The following TENM4 variants were observed in gnomAD, a reference collection of about 807,000 sequenced individuals.
TENM4 encodes teneurin transmembrane protein 4.
TENM4 carries 82 observed loss-of-function variants against 243.3 expected under a neutral mutation model. That is an observed-to-expected ratio of 0.34 (90% CI 0.28 to 0.40). The LOEUF is 0.40. Among genes scored for constraint, TENM4 ranks in the 10% least tolerant of loss-of-function variants. TENM4 has a pLI of 1.00. For synonymous variants in TENM4, 1,412 were observed against 1,456.3 expected (o/e 0.97, Z 0.69); for missense variants, 3,138 against 3,673.3 (o/e 0.85, Z 3.77).
intron 1 of TENM4, among the ~76,000 whole-genome samples, chr11:79,408,955 C>A (rs1037319459): frequency 6.6e-6 from 1 of 151,774 alleles, no homozygotes; most frequent in African/African-American, 2.4e-5. Flanking sequence ...AATTGCATGG[C>A]CTTTTTAAGG....
At chr11:79,191,114 CTCTCCCTCTCCCTCTCCCG>C (rs2135163152) in intron 3 of TENM4, among the ~76,000 whole-genome samples, 1 of 35,344 alleles carries the variant, frequency 2.8e-5, no homozygotes, top group Non-Finnish European at 5.4e-5. Context: ...TCCCGTCTCC[CTCTCCCTCTCCCTCTCCCG>C]TCTCCCTCTC....
intron 9 of TENM4, among the ~76,000 whole-genome samples, chr11:78,874,257 A>C (rs1054138848): frequency 1.3e-5 from 2 of 152,202 alleles, no homozygotes; most frequent in Non-Finnish European, 2.9e-5. Flanking sequence ...GTGGAAATGG[A>C]AATAATAGAA....
intron 26 of TENM4, among the ~76,000 whole-genome samples, chr11:78,710,604 C>T (rs572519939): frequency 1.3e-5 from 2 of 152,388 alleles, no homozygotes; most frequent in African/African-American, 4.8e-5. Flanking sequence ...TCTGTTTGGA[C>T]TGATGAGTGC....
intron 2 of TENM4, among the ~76,000 whole-genome samples, chr11:79,266,073 G>A (rs1335438367): frequency 1.3e-5 from 2 of 152,146 alleles, no homozygotes; most frequent in African/African-American, 2.4e-5. Flanking sequence ...AGCTCTTACT[G>A]CTGTTGTAAC....
In TENM4 at chr11:78,656,989, A is replaced by C; in HGVS notation, c.*1069T>G. 2.5e-6 allele frequency: 1 copy of C among 398,624 alleles called. No homozygotes were observed. 24.7% of individuals were successfully genotyped at this position (398,624 alleles called of 1,614,324 possible). On this transcript the variant is annotated 3_prime_UTR_variant, in exon 34 of 34. Transcript: ENST00000278550. ...ACCTCCCTCCACATTCCTACGTCTCAGTGGTGGCGGCTGAGTGGTGGAGGG... is the reference window on the plus strand; with the variant it reads ...ACCTCCCTCCACATTCCTACGTCTCCGTGGTGGCGGCTGAGTGGTGGAGGG...
At chr11:79,336,360 C>T (rs1262091082) in intron 1 of TENM4, among the ~76,000 whole-genome samples, 7 of 152,184 alleles carry the variant, frequency 4.6e-5, no homozygotes, top group Admixed American at 4.6e-4. Flanking sequence ...CAAGAGCCAT[C>T]TCGCATACTT....
At chr11:78,794,744 A>T (rs535744302) in intron 15 of TENM4, among the ~76,000 whole-genome samples, 1 of 152,328 alleles carries the variant, frequency 6.6e-6, no homozygotes, top group African/African-American at 2.4e-5. Flanking sequence ...CCAGGAGAGA[A>T]CTGGCACTGG....
intron 3 of TENM4, among the ~76,000 whole-genome samples, chr11:79,215,602 C>T (rs1052543348): frequency 3.3e-5 from 5 of 152,262 alleles, no homozygotes; most frequent in African/African-American, 7.2e-5. Context: ...TTCCAGCAAC[C>T]GTTGCCACCT....
intron 6 of TENM4, among the ~76,000 whole-genome samples, chr11:79,018,452 G>GCACA (rs145253927): frequency 1.3e-5 from 2 of 150,384 alleles, no homozygotes; most frequent in African/African-American, 4.9e-5. Flanking sequence ...TCACACACAT[G>GCACA]CACACACACA....
intron 6 of TENM4, among the ~76,000 whole-genome samples, chr11:78,904,376 G>A (rs28371894): frequency 2.7e-3 from 258 of 94,960 alleles, no homozygotes; most frequent in African/African-American, 6.5e-3. Flanking sequence ...AAAAAAAAAA[G>A]TAAAACATAG....
intron 6 of TENM4, among the ~76,000 whole-genome samples, chr11:78,911,947 C>T (rs1437918193): frequency 6.6e-6 from 1 of 152,172 alleles, no homozygotes; most frequent in Non-Finnish European, 1.5e-5. Flanking sequence ...CTCCAGGATA[C>T]AACAATTTAC....
chr11:78,658,203 T>C lies in TENM4; in HGVS notation c.8165A>G (p.Glu2722Gly), dbSNP rs1857942780. 6.2e-7 allele frequency: 1 copy of C among 1,614,002 alleles called. No individual in the cohort carries two copies. The highest frequency in any genetic ancestry group is 1.3e-5 in the African/African-American group (1 of 75,060). Residue 2722 changes from glutamate to glycine, a missense_variant, in exon 34 of 34, where the codon GAG becomes GGG. Glu to Gly is a moderately conservative substitution (Grantham distance 98, BLOSUM62 -2). Transcript: ENST00000278550. ...EGEEGLRAWT[E>G]GEKQQVLSTG... Reference sequence around the variant, plus strand: ...GCTCAGCACCTGCTGCTTCTCCCCCTCTGTCCAGGCCCGCAGGCCTTCCTC... The same window carrying C: ...GCTCAGCACCTGCTGCTTCTCCCCCCCTGTCCAGGCCCGCAGGCCTTCCTC...
chr11:79,139,700 A>ATATTTATATAAATATATAAAATATATATT (rs1565220645), intron 4 of TENM4, among the ~76,000 whole-genome samples: 1 of 68,170 alleles, frequency 1.5e-5, no homozygotes, highest in Non-Finnish European at 2.3e-5. Flanking sequence ...AAATATATAT[A>ATATTTATATAAATATATAAAATATATATT]ATATTTATAT....
At chr11:79,310,637 TAAC>T (rs1431754852) in intron 1 of TENM4, among the ~76,000 whole-genome samples, 3 of 152,218 alleles carry the variant, frequency 2.0e-5, no homozygotes, top group Non-Finnish European at 4.4e-5. Context: ...GCCCTGTAGT[TAAC>T]AACGGGCAGC....
intron 4 of TENM4, among the ~76,000 whole-genome samples, chr11:79,089,349 C>T (rs1405830413): frequency 6.6e-6 from 1 of 152,230 alleles, no homozygotes; most frequent in African/African-American, 2.4e-5. Flanking sequence ...CCTTCTCCTC[C>T]CATTCCACGA....
intron 6 of TENM4, among the ~76,000 whole-genome samples, chr11:78,998,964 C>T (rs184895986): frequency 1.3e-5 from 2 of 152,298 alleles, no homozygotes; most frequent in East Asian, 1.9e-4. Context: ...AAATCAAAAG[C>T]CAGACAGGTT....
At chr11:79,166,981 T>C (rs564380845) in intron 3 of TENM4, among the ~76,000 whole-genome samples, 1 of 152,208 alleles carries the variant, frequency 6.6e-6, no homozygotes, top group East Asian at 1.9e-4. Flanking sequence ...GTTTCAGAAA[T>C]GAGGCTGCAG....
intron 12 of TENM4, among the ~76,000 whole-genome samples, chr11:78,844,379 C>T (rs563124439): frequency 6.6e-6 from 1 of 152,288 alleles, no homozygotes; most frequent in Admixed American, 6.5e-5. Flanking sequence ...TGCGGTGGCT[C>T]ATGCCTGTAA....
At chr11:78,738,647 G>A (rs887487836) in intron 19 of TENM4, 77 bp from the exon 20 acceptor site, 4 of 1,469,998 alleles carry the variant, frequency 2.7e-6, no homozygotes, top group Non-Finnish European at 3.7e-6. Flanking sequence ...ACCCCGAGAG[G>A]CCAGAAGCCA....
Sources: gnomAD v4.1 joint callset for allele counts (sites outside exome capture counted in the v4.1 genomes callset) on GRCh38, gnomAD v4.1.1 for gene constraint, MANE v1.5 for transcripts, NCBI Gene and HGNC (gene_info 2026-07-23, HGNC 2026-07-21) for gene names.